Variants in WAC observed in about 807,000 individuals in gnomAD.
WAC encodes WW domain containing adaptor with coiled-coil.
WAC carries 11 observed loss-of-function variants against 79.6 expected under a neutral mutation model. The ratio of observed to expected loss-of-function variants is 0.14; its 90% CI spans 0.09 to 0.23. The LOEUF (loss-of-function observed/expected upper bound fraction) is 0.23, where lower values mean the gene tolerates loss of function less well. Ranked by LOEUF, WAC falls within the 10% of genes least tolerant of loss-of-function variation. The pLI, the probability that WAC is intolerant of heterozygous loss-of-function variation, is 1.00. For missense variants in WAC, 728 were observed against 773.5 expected (o/e 0.94, Z 0.70); for synonymous variants, 304 against 276.9 (o/e 1.10, Z -0.97).
At position 28,620,226 on chromosome 10, in the gene WAC, G is replaced by A. The variant is rs995712506; in HGVS notation, c.*620G>A. The stretch of plus-strand genomic sequence containing the variant: ...TTCTGATTTTATCCATTTTTTTAAG[G>A]CTCCTCTTTATCTCCTTTCTTAAGG... On this transcript the variant is annotated 3_prime_UTR_variant, in exon 14 of 14. Coordinates refer to ENST00000354911, the MANE Select transcript of WAC (RefSeq NM_016628.5). The A allele has an allele frequency of 6.6e-6, 1 of 152,438 alleles. No homozygotes were observed. Among genetic ancestry groups the A allele is most frequent in the Non-Finnish European group, 1.5e-5 (1 of 68,002 alleles). 9.4% of individuals were successfully genotyped at this position (152,438 alleles called of 1,614,324 possible).
Position 28,595,903 on chromosome 10 carries a change from A to G in WAC, c.781A>G (p.Ser261Gly). The change falls in exon 7 of 14, where the codon AGC (serine) becomes GGC (glycine). Residue 261 changes from serine (S) to glycine (G), a missense_variant. By Grantham distance (56) the Ser-to-Gly change is moderately conservative. This residue lies in a region of WAC where 648 missense variants were observed against 661.5 expected (regional missense o/e 0.98). Coordinates refer to ENST00000354911, the MANE Select transcript of WAC (RefSeq NM_016628.5). ...AGTGGTTCATCCAACTGCTACCCCA[A>G]GCACTGTTCCTTCTAGTCCATTTAC... ...KPVVHPTATP[S>G]TVPSSPFTLQ... 1.2e-6 allele frequency: 2 copies of G among 1,614,166 alleles called. No homozygotes were observed. The highest frequency in any genetic ancestry group is 8.5e-7 in the Non-Finnish European group (1 of 1,180,026).
chr10:28,538,687 T>G (rs1462047465), intron 3 of WAC, among the ~76,000 whole-genome samples: 3 of 150,826 alleles, frequency 2.0e-5, no homozygotes, highest in Non-Finnish European at 4.4e-5. Flanking sequence ...GCCAGGAGTT[T>G]GAGACTAGCC....
Position 28,541,535 on chromosome 10 carries a change from G to C in WAC, c.274+5778G>C, listed in dbSNP as rs1441969134. ...CAACCTCCACCCCCTGGCAAAATCAGTTATTTGGTTATTTGGGGCTTGCAA... is the reference window on the plus strand; with the variant it reads ...CAACCTCCACCCCCTGGCAAAATCACTTATTTGGTTATTTGGGGCTTGCAA... On this transcript the variant is annotated intron_variant, in intron 3 of 13. Transcript: ENST00000354911. Among the ~76,000 whole-genome samples the C allele has an allele frequency of 2.1e-5, 3 of 145,528 alleles. No homozygotes were observed. In the Admixed American group the frequency reaches 2.1e-4, roughly 10 times the overall value.
chr10:28,585,956 A>T (rs1474727184), intron 4 of WAC, among the ~76,000 whole-genome samples: 3 of 152,334 alleles, frequency 2.0e-5, no homozygotes, highest in African/African-American at 7.2e-5. Flanking sequence ...AGGGAACTTA[A>T]TTATGTGAGT....
intron 3 of WAC, among the ~76,000 whole-genome samples, chr10:28,574,405 C>T (rs1296040055): frequency 6.6e-6 from 1 of 151,976 alleles, no homozygotes; most frequent in East Asian, 1.9e-4. Context: ...GCCTTGGCTG[C>T]CCAAAGTGCT....
At chr10:28,561,894 GT>G (rs1399040601) in intron 3 of WAC, among the ~76,000 whole-genome samples, 1 of 152,070 alleles carries the variant, frequency 6.6e-6, no homozygotes, top group African/African-American at 2.4e-5. Flanking sequence ...AGGTGGAATC[GT>G]TTCACCCCAA....
At chr10:28,536,448 A>C (rs955414578) in intron 3 of WAC, among the ~76,000 whole-genome samples, 1 of 152,180 alleles carries the variant, frequency 6.6e-6, no homozygotes, top group African/African-American at 2.4e-5. Flanking sequence ...TCTGTTTTCT[A>C]ATTACAATGA....
chr10:28,572,194 G>A (rs757974009), intron 3 of WAC, among the ~76,000 whole-genome samples: 44 of 151,638 alleles, frequency 2.9e-4, no homozygotes, highest in Admixed American at 5.3e-4. Flanking sequence ...AAAATTAGCC[G>A]GGCTTGGTGG....
At chr10:28,560,672 C>T (rs944156656) in intron 3 of WAC, among the ~76,000 whole-genome samples, 2 of 152,054 alleles carry the variant, frequency 1.3e-5, no homozygotes, top group Non-Finnish European at 2.9e-5. Flanking sequence ...TGAGTAAAGA[C>T]CAGGAACCTG....
At chr10:28,534,238 C>T in intron 2 of WAC, 1 of 458,924 alleles carries the variant, frequency 2.2e-6, no homozygotes, top group Non-Finnish European at 3.8e-6. Context: ...TGACAGGTGA[C>T]TGGAGGGAGT....
At chr10:28,555,325 G>A (rs1837923267) in intron 3 of WAC, among the ~76,000 whole-genome samples, 2 of 152,180 alleles carry the variant, frequency 1.3e-5, no homozygotes, top group African/African-American at 4.8e-5. Flanking sequence ...TCTTCACTTA[G>A]GTTTACTCAG....
rs931046491 is a variant in WAC, at chr10:28,553,953, C to G, written c.274+18196C>G. On this transcript the variant is annotated intron_variant, in intron 3 of 13. Transcript: ENST00000354911. ...GTGCTATTTTGGCTCACTGCAGCCT[C>G]CACCTCCCAGGTTCAGGTGATTCTC... Among the ~76,000 whole-genome samples the G allele has an allele frequency of 3.3e-5, 5 of 152,116 alleles. No homozygotes were observed. In the East Asian group the frequency reaches 9.6e-4, roughly 29 times the overall value.
At chr10:28,548,728 A>G (rs561076819) in intron 3 of WAC, among the ~76,000 whole-genome samples, 1 of 152,128 alleles carries the variant, frequency 6.6e-6, no homozygotes, top group Admixed American at 6.5e-5. Context: ...TTGTCTATTC[A>G]TGTTTGGGAA....
intron 7 of WAC, among the ~76,000 whole-genome samples, chr10:28,602,244 T>A (rs1252699579): frequency 2.0e-5 from 3 of 152,214 alleles, no homozygotes; most frequent in Non-Finnish European, 2.9e-5. Context: ...GGAAGTTGCT[T>A]ATCTTTTGTG....
At chr10:28,583,295 T>A in intron 3 of WAC, 104 bp from the exon 4 acceptor site, 1 of 797,040 alleles carries the variant, frequency 1.3e-6, no homozygotes, top group Non-Finnish European at 1.9e-6. Flanking sequence ...ATGTAAGATG[T>A]TCGTTTAGAG....
chr10:28,562,936 G>A (rs934686905), intron 3 of WAC, among the ~76,000 whole-genome samples: 2 of 151,878 alleles, frequency 1.3e-5, no homozygotes, highest in Admixed American at 6.5e-5. Flanking sequence ...AATAAATAAC[G>A]GTGAAATCTG....
intron 3 of WAC, among the ~76,000 whole-genome samples, chr10:28,563,820 G>C (rs998271735): frequency 7.0e-6 from 1 of 142,562 alleles, no homozygotes; most frequent in African/African-American, 2.7e-5. Flanking sequence ...CAGGATGGTC[G>C]TGATCTCCTG....
Position 28,614,640 on chromosome 10 carries a change from A to T in WAC, c.1511A>T (p.Gln504Leu). ...CAGCAGCCTGTAACTGCTGACAAGC[A>T]GCAAGGTCATGAACCTGTCTCTCCT... The part of the protein sequence containing the change: ...ATQQPVTADK[Q>L]QGHEPVSPRS... Residue 504 changes from glutamine (Q) to leucine (L), a missense_variant, in exon 11 of 14, where the codon CAG (glutamine) becomes CTG (leucine). Transcript: ENST00000354911. 1 of 1,614,222 alleles carries T rather than the reference A, an allele frequency of 6.2e-7. No individual in the cohort carries two copies. Among genetic ancestry groups the T allele is most frequent in the Non-Finnish European group, 8.5e-7 (1 of 1,180,014 alleles).
rs1839647645 is a variant in WAC at position 28,583,547 on chromosome 10, T to C, written c.381+42T>C. 8.3e-6 allele frequency: 11 copies of C among 1,331,138 alleles called. No individual in the cohort carries two copies. The Admixed American group carries it at 3.1e-4, about 37-fold the overall frequency. 82.5% of individuals were successfully genotyped at this position (1,331,138 alleles called of 1,614,324 possible). A position where few individuals can be genotyped will look rare whatever the true frequency, so the allele number is the denominator to read the frequency against. ...TGTCCAATATGGTTTCTTTGGAATT[T>C]TTTGCAAAAAAAAAAAAAAAATACA... On this transcript the variant is annotated intron_variant, in intron 4 of 13. Coordinates refer to ENST00000354911, the MANE Select transcript of WAC (RefSeq NM_016628.5).
Sources: gnomAD v4.1 joint callset for allele counts (sites outside exome capture counted in the v4.1 genomes callset) on GRCh38, gnomAD v4.1.1 for gene constraint, gnomAD v4.1.1 regional missense constraint, MANE v1.5 for transcripts, NCBI Gene and HGNC (gene_info 2026-07-23, HGNC 2026-07-21) for gene names.